CADM2: variants seen among roughly 807,000 people sequenced by gnomAD.
CADM2 encodes cell adhesion molecule 2.
Under a neutral mutation model 49.8 loss-of-function variants are expected in CADM2, and 12 were observed. That is an observed-to-expected ratio of 0.24 (90% confidence interval 0.15 to 0.39). The LOEUF is 0.39. Among genes scored for constraint, CADM2 ranks in the 10% least tolerant of loss-of-function variants. The pLI is 1.00. For synonymous variants in CADM2, 214 were observed against 175.4 expected, an observed-to-expected ratio of 1.22 and a Z score of -1.74; for missense variants, 378 against 492.3, an observed-to-expected ratio of 0.77 and a Z score of 2.20.
Position 85,898,869 on chromosome 3 carries a change from A to T in CADM2, c.529+12542A>T, listed in dbSNP as rs1715645498. Among the ~76,000 whole-genome samples the T allele has an allele frequency of 2.8e-5, 4 of 141,652 alleles. 1 individual carries two copies. Among genetic ancestry groups the T allele is most frequent in the Middle Eastern group, 7.8e-3 (2 of 256 alleles). The allele number at this position is 141,652 out of a possible 152,430, so 92.9% of individuals were successfully genotyped here. ...GGATTATATGGTAGCCATATATTTAATTTTTTAAAGGCCTTGCCATTTTCC... is the reference window on the plus strand; with the variant it reads ...GGATTATATGGTAGCCATATATTTATTTTTTTAAAGGCCTTGCCATTTTCC... On this transcript the variant is annotated intron_variant, in intron 5 of 9. Coordinates refer to ENST00000383699, the MANE Select transcript of CADM2 (RefSeq NM_001167675.2).
chr3:85,913,984 A>G (rs1008312036), intron 6 of CADM2, among the ~76,000 whole-genome samples: 2 of 152,144 alleles, frequency 1.3e-5, no homozygotes, highest in African/African-American at 4.8e-5. Context: ...AGAAAAATAC[A>G]GAGTGTTGTG....
At chr3:85,199,365 G>GTGTA (rs1336239002) in intron 1 of CADM2, among the ~76,000 whole-genome samples, 5 of 136,220 alleles carry the variant, frequency 3.7e-5, no homozygotes, top group African/African-American at 1.8e-4. Flanking sequence ...GTGTGTGTGT[G>GTGTA]TGTATGAGAG....
chr3:85,451,334 G>A (rs1163591587), intron 1 of CADM2, among the ~76,000 whole-genome samples: 1 of 152,056 alleles, frequency 6.6e-6, no homozygotes, highest in Middle Eastern at 3.2e-3. Flanking sequence ...ATATAATACT[G>A]AGATTACTTA....
At chr3:85,206,791 T>G (rs1369076629) in intron 1 of CADM2, among the ~76,000 whole-genome samples, 1 of 152,092 alleles carries the variant, frequency 6.6e-6, no homozygotes, top group Non-Finnish European at 1.5e-5. Flanking sequence ...ATTTATATCT[T>G]TTTATGATTT....
chr3:85,298,425 C>T (rs557458478), intron 1 of CADM2, among the ~76,000 whole-genome samples: 58 of 152,188 alleles, frequency 3.8e-4, no homozygotes, highest in African/African-American at 1.4e-3. Context: ...GATATTTCCA[C>T]ATAAATATGT....
At chr3:85,406,889 A>G (rs1161927355) in intron 1 of CADM2, among the ~76,000 whole-genome samples, 1 of 152,070 alleles carries the variant, frequency 6.6e-6, no homozygotes, top group Non-Finnish European at 1.5e-5. Context: ...AGAAGACATT[A>G]TTTGAAGAAT....
At chr3:85,389,452 G>T (rs1345041127) in intron 1 of CADM2, among the ~76,000 whole-genome samples, 1 of 151,982 alleles carries the variant, frequency 6.6e-6, no homozygotes, top group African/African-American at 2.4e-5. Context: ...TATAGCTGTT[G>T]ATAATGAGCT....
chr3:85,873,288 TA>T (rs1337840948), intron 3 of CADM2, among the ~76,000 whole-genome samples: 1 of 152,092 alleles, frequency 6.6e-6, no homozygotes, highest in Non-Finnish European at 1.5e-5. Context: ...ATAGAATTGT[TA>T]AAAACCAATT....
At chr3:85,201,778 C>T (rs767803096) in intron 1 of CADM2, among the ~76,000 whole-genome samples, 154 of 152,056 alleles carry the variant, frequency 1.0e-3, no homozygotes, top group Non-Finnish European at 1.5e-3. Context: ...TTTGTTTGCT[C>T]ATGTATAAGA....
At position 85,252,120 on chromosome 3, in the gene CADM2, T is replaced by C. The variant is rs182463594; in HGVS notation, c.61+292452T>C. Among the ~76,000 whole-genome samples, 273 of 152,098 alleles carry C rather than the reference T, an allele frequency of 1.8e-3. 1 individual carries two copies. Among genetic ancestry groups the C allele is most frequent in the African/African-American group, 6.3e-3 (262 of 41,570 alleles). On this transcript the variant is annotated intron_variant, in intron 1 of 9. Transcript: ENST00000383699. Reference sequence around the variant, plus strand: ...TAATGAGAGAAGTAAGCAAATGTTATTCTGACTATGGTTCTCATCATCTCT... The same window carrying C: ...TAATGAGAGAAGTAAGCAAATGTTACTCTGACTATGGTTCTCATCATCTCT...
chr3:85,732,906 G>A (rs1174716675), intron 2 of CADM2, among the ~76,000 whole-genome samples: 1 of 152,132 alleles, frequency 6.6e-6, no homozygotes, highest in Admixed American at 6.5e-5. Flanking sequence ...ATCCTCTAAA[G>A]AGATCAGATT....
chr3:85,387,078 G>A (rs1158263404), intron 1 of CADM2, among the ~76,000 whole-genome samples: 1 of 152,152 alleles, frequency 6.6e-6, no homozygotes, highest in East Asian at 1.9e-4. Context: ...GGAGTTAGGA[G>A]AGAATTTGTC....
At chr3:85,762,372 C>T (rs142189366) in intron 2 of CADM2, among the ~76,000 whole-genome samples, 11 of 152,182 alleles carry the variant, frequency 7.2e-5, no homozygotes, top group Non-Finnish European at 1.2e-4. Flanking sequence ...TACTACTCAA[C>T]ATTTACTGGA....
chr3:85,371,115 A>T (rs2033196483), intron 1 of CADM2, among the ~76,000 whole-genome samples: 1 of 152,160 alleles, frequency 6.6e-6, no homozygotes. Context: ...AAAACGTTAC[A>T]ATCAGCTAAG....
rs149685168 is a variant in CADM2, at chr3:85,530,539, C to A, written c.62-195983C>A. Among the ~76,000 whole-genome samples, 1,250 of 151,974 alleles carry A rather than the reference C, an allele frequency of 8.2e-3. 13 individuals are homozygous for A. The highest frequency in any genetic ancestry group is 0.017 in the Middle Eastern group (5 of 294). The stretch of plus-strand genomic sequence containing the variant: ...AGAGACGGGGTTTCACCGTGTTAGC[C>A]AGGATGGTCTCAATCTCCTGACTTC... On this transcript the variant is annotated intron_variant, in intron 1 of 9. Coordinates refer to ENST00000383699, the MANE Select transcript of CADM2 (RefSeq NM_001167675.2).
chr3:85,406,014 T>C (rs1327411331), intron 1 of CADM2, among the ~76,000 whole-genome samples: 1 of 152,074 alleles, frequency 6.6e-6, no homozygotes, highest in Non-Finnish European at 1.5e-5. Flanking sequence ...TAAAGCATTA[T>C]ATATAGAGAA....
At chr3:85,854,656 C>T (rs1365274155) in intron 3 of CADM2, among the ~76,000 whole-genome samples, 1 of 151,918 alleles carries the variant, frequency 6.6e-6, no homozygotes, top group Admixed American at 6.6e-5. Flanking sequence ...GGAGGGATAG[C>T]GTTAGGAGAA....
At chr3:85,276,312 C>T (rs1390722942) in intron 1 of CADM2, among the ~76,000 whole-genome samples, 1 of 151,122 alleles carries the variant, frequency 6.6e-6, no homozygotes, top group Admixed American at 6.6e-5. Context: ...CATCAGCAGT[C>T]GTTGCTACTG....
chr3:84,967,309 G>C (rs1169508417), intron 1 of CADM2, among the ~76,000 whole-genome samples: 1 of 152,036 alleles, frequency 6.6e-6, no homozygotes, highest in South Asian at 2.1e-4. Flanking sequence ...AAAATTTATA[G>C]TGTGTAAAAA....
Sources: allele counts gnomAD v4.1 joint callset (sites outside exome capture counted in the v4.1 genomes callset), GRCh38; gene constraint gnomAD v4.1.1; transcripts MANE v1.5; gene names NCBI Gene and HGNC (gene_info 2026-07-23, HGNC 2026-07-21).